The following NECAB1 variants were observed in gnomAD, a reference collection of about 807,000 sequenced individuals.
NECAB1 encodes N-terminal EF-hand calcium binding protein 1.
A neutral mutation model predicts 57.5 loss-of-function variants in NECAB1; 29 were observed. That is an observed-to-expected ratio of 0.50 (90% CI 0.38 to 0.69). The LOEUF is 0.69. Ranked by LOEUF, NECAB1 falls within the 30% of genes least tolerant of loss-of-function variation. The pLI is 0.00. For synonymous variants in NECAB1, 142 were observed against 147.7 expected, an observed-to-expected ratio of 0.96 and a Z score of 0.28; for missense variants, 372 against 413.8, an observed-to-expected ratio of 0.90 and a Z score of 0.88.
intron 3 of NECAB1, among the ~76,000 whole-genome samples, chr8:90,866,006 T>TG: frequency 6.6e-6 from 1 of 152,338 alleles, no homozygotes; most frequent in South Asian, 2.1e-4. Flanking sequence ...GATTTTTATA[T>TG]GACCAATTAC....
At chr8:90,944,943 G>A (rs1396305416) in intron 10 of NECAB1, among the ~76,000 whole-genome samples, 3 of 152,176 alleles carry the variant, frequency 2.0e-5, no homozygotes, top group Non-Finnish European at 4.4e-5. Flanking sequence ...TGTTGCCCAG[G>A]CTGAAGTGCA....
At chr8:90,803,728 C>A (rs2129649062) in intron 2 of NECAB1, among the ~76,000 whole-genome samples, 1 of 152,216 alleles carries the variant, frequency 6.6e-6, no homozygotes, top group African/African-American at 2.4e-5. Flanking sequence ...AAATCTTCCT[C>A]ATGTATCCTC....
chr8:90,829,464 A>G (rs1306211034), intron 3 of NECAB1, among the ~76,000 whole-genome samples: 1 of 152,020 alleles, frequency 6.6e-6, no homozygotes. Flanking sequence ...TTTTCCCAGC[A>G]CACTGCACTT....
intron 5 of NECAB1, among the ~76,000 whole-genome samples, chr8:90,902,038 A>G (rs1043111051): frequency 2.0e-5 from 3 of 152,236 alleles, no homozygotes; most frequent in Non-Finnish European, 4.4e-5. Context: ...TCTATAAATA[A>G]TAGAGGTACT....
At chr8:90,940,985 C>A in intron 10 of NECAB1, 87 bp downstream of exon 10, 2 of 942,958 alleles carry the variant, frequency 2.1e-6, no homozygotes, top group Non-Finnish European at 3.3e-6. Flanking sequence ...GGCTGGGGGT[C>A]TAGAAGACAG....
intron 9 of NECAB1, among the ~76,000 whole-genome samples, chr8:90,935,733 G>A (rs1586140758): frequency 6.6e-6 from 1 of 152,078 alleles, no homozygotes; most frequent in Non-Finnish European, 1.5e-5. Context: ...CTCTAGTTAT[G>A]AAGAGGAAAA....
intron 3 of NECAB1, among the ~76,000 whole-genome samples, chr8:90,830,796 A>G (rs1303282172): frequency 6.6e-6 from 1 of 152,036 alleles, no homozygotes; most frequent in Non-Finnish European, 1.5e-5. Context: ...CAGATGAGGG[A>G]TGGAGTCAGA....
chr8:90,838,243 A>G (rs897473959), intron 3 of NECAB1, among the ~76,000 whole-genome samples: 5 of 152,252 alleles, frequency 3.3e-5, no homozygotes, highest in East Asian at 1.9e-4. Context: ...GAAACAATAT[A>G]TAACAAAACC....
At chr8:90,907,122 T>TTGTGTG (rs111590584) in intron 5 of NECAB1, among the ~76,000 whole-genome samples, 1 of 129,798 alleles carries the variant, frequency 7.7e-6, no homozygotes, top group Non-Finnish European at 1.6e-5. Flanking sequence ...CCACCCAATT[T>TTGTGTG]TGTGTGTGTG....
chr8:90,879,193 C>CTT lies in NECAB1; in HGVS notation c.260-1826_260-1825dup, dbSNP rs769144549. Among the ~76,000 whole-genome samples, 34 of 124,092 alleles carry CTT rather than the reference C, an allele frequency of 2.7e-4. 1 individual carries two copies. Among genetic ancestry groups the CTT allele is most frequent in the Admixed American group, 1.2e-3 (14 of 12,018 alleles). 81.4% of individuals were successfully genotyped at this position (124,092 alleles called of 152,430 possible). ...GCAACAATTTTTTTGTTTTCACTTT[C>CTT]TTTTTTTTTTTTTTTAGACAATGTC... On this transcript the variant is annotated intron_variant, in intron 4 of 12. Coordinates refer to ENST00000417640, the MANE Select transcript of NECAB1 (RefSeq NM_022351.5).
intron 5 of NECAB1, among the ~76,000 whole-genome samples, chr8:90,908,566 C>A (rs181581598): frequency 6.6e-6 from 1 of 152,228 alleles, no homozygotes; most frequent in East Asian, 1.9e-4. Flanking sequence ...TCTGTCTACT[C>A]CACAGCTCCT....
chr8:90,945,248 A>C (rs576706284), intron 10 of NECAB1, among the ~76,000 whole-genome samples: 1 of 151,242 alleles, frequency 6.6e-6, no homozygotes, highest in African/African-American at 2.4e-5. Flanking sequence ...TTTGTATTTT[A>C]GTAGAGACAG....
At chr8:90,954,938 TATAC>T (rs765222788) in intron 12 of NECAB1, among the ~76,000 whole-genome samples, 13 of 147,730 alleles carry the variant, frequency 8.8e-5, no homozygotes, top group Non-Finnish European at 4.5e-5. Flanking sequence ...GTATTATATG[TATAC>T]ATACATGTAT....
At chr8:90,898,151 C>T (rs957880192) in intron 5 of NECAB1, among the ~76,000 whole-genome samples, 5 of 152,082 alleles carry the variant, frequency 3.3e-5, no homozygotes, top group Non-Finnish European at 7.4e-5. Flanking sequence ...GATTACACAC[C>T]TCACTATCAG....
chr8:90,888,825 T>C (rs1160966344), intron 5 of NECAB1, among the ~76,000 whole-genome samples: 6 of 152,228 alleles, frequency 3.9e-5, no homozygotes, highest in Non-Finnish European at 8.8e-5. Flanking sequence ...TGGAATGATT[T>C]ATCCCGTGAC....
At chr8:90,930,379 G>T (rs1810376658) in intron 8 of NECAB1, among the ~76,000 whole-genome samples, 1 of 152,188 alleles carries the variant, frequency 6.6e-6, no homozygotes, top group Non-Finnish European at 1.5e-5. Flanking sequence ...AGAAAAGGAA[G>T]AGACACATGA....
rs11984819 is a variant in NECAB1 at position 90,931,759 on chromosome 8, C to A, written c.694-2545C>A. On this transcript the variant is annotated intron_variant, in intron 8 of 12. Transcript: ENST00000417640. ...TCTCTACTAAAAATACAAAAATTAA[C>A]CAGGCGTGGTGGTGTGCGCCTGTAA... Among the ~76,000 whole-genome samples, 1,373 of 152,122 alleles carry A rather than the reference C, an allele frequency of 9.0e-3. 20 individuals carry two copies. Among genetic ancestry groups the A allele is most frequent in the African/African-American group, 0.031 (1,285 of 41,486 alleles).
chr8:90,862,887 A>G (rs2129815640), intron 3 of NECAB1, among the ~76,000 whole-genome samples: 1 of 150,832 alleles, frequency 6.6e-6, no homozygotes, highest in Admixed American at 6.6e-5. Context: ...GAAAACTGAA[A>G]TAGATCCCAA....
At chr8:90,900,102 C>T (rs1809464799) in intron 5 of NECAB1, among the ~76,000 whole-genome samples, 1 of 152,082 alleles carries the variant, frequency 6.6e-6, no homozygotes, top group African/African-American at 2.4e-5. Context: ...CTTAGTGTTG[C>T]TGCATTTTCC....
Sources: allele counts gnomAD v4.1 joint callset (sites outside exome capture counted in the v4.1 genomes callset), GRCh38; gene constraint gnomAD v4.1.1; transcripts MANE v1.5; gene names NCBI Gene and HGNC (gene_info 2026-07-23, HGNC 2026-07-21).